The following MATR3 variants were observed in gnomAD, a reference collection of about 807,000 sequenced individuals.
MATR3 encodes the protein matrin-3.
A neutral mutation model predicts 85.5 loss-of-function variants in MATR3; 4 were observed. The ratio of observed to expected loss-of-function variants is 0.05; its 90% CI spans 0.02 to 0.11. The LOEUF (loss-of-function observed/expected upper bound fraction) is 0.11. Among genes scored for constraint, MATR3 ranks in the 10% least tolerant of loss-of-function variants. MATR3 has a pLI of 1.00. For synonymous variants in MATR3, 336 were observed against 343.1 expected, an observed-to-expected ratio of 0.98 and a Z score of 0.23; for missense variants, 685 against 1,016.1, an observed-to-expected ratio of 0.67 and a Z score of 4.43.
intron 2 of MATR3, chr5:139,312,344 T>C (rs2151973579): frequency 6.6e-6 from 1 of 152,348 alleles, no homozygotes; most frequent in South Asian, 2.1e-4. Flanking sequence ...GTAATCTGCC[T>C]GCTTTGGCCT....
intron 2 of MATR3, among the ~76,000 whole-genome samples, chr5:139,276,788 C>G (rs1753292618): frequency 6.6e-6 from 1 of 152,150 alleles, no homozygotes; most frequent in Non-Finnish European, 1.5e-5. Flanking sequence ...TCCATGGCTC[C>G]TACTACCCAC....
At chr5:139,328,775 G>A (rs1341361803) in intron 14 of MATR3, among the ~76,000 whole-genome samples, 2 of 152,164 alleles carry the variant, frequency 1.3e-5, no homozygotes, top group African/African-American at 4.8e-5. Context: ...GCGGGGACAG[G>A]CAGATCACCT....
chr5:139,300,566 C>T (rs1443539987), intron 1 of MATR3, among the ~76,000 whole-genome samples: 3 of 152,080 alleles, frequency 2.0e-5, no homozygotes, highest in Admixed American at 6.6e-5. Context: ...ATAGATTTTA[C>T]CTTCTTAGTT....
intron 5 of MATR3, among the ~76,000 whole-genome samples, chr5:139,316,811 G>C (rs1044720361): frequency 1.3e-5 from 2 of 152,136 alleles, no homozygotes; most frequent in Non-Finnish European, 2.9e-5. Context: ...CTCCCAAAGT[G>C]CTGGGATTAC....
intron 1 of MATR3, among the ~76,000 whole-genome samples, chr5:139,306,766 T>G (rs187939000): frequency 6.6e-6 from 1 of 152,350 alleles, no homozygotes; most frequent in Admixed American, 6.5e-5. Context: ...CTTCATTTAC[T>G]TGTGATTTTA....
intron 5 of MATR3, among the ~76,000 whole-genome samples, chr5:139,316,584 G>A (rs939701130): frequency 2.6e-5 from 4 of 151,654 alleles, no homozygotes; most frequent in African/African-American, 9.7e-5. Context: ...TTCTCACTCC[G>A]TCACTCAGGC....
At chr5:139,301,702 A>G (rs959256376) in intron 1 of MATR3, among the ~76,000 whole-genome samples, 2 of 152,230 alleles carry the variant, frequency 1.3e-5, no homozygotes, top group African/African-American at 4.8e-5. Context: ...TCGTAGTTCA[A>G]ATAGACAATG....
At chr5:139,326,420 TA>T in intron 14 of MATR3, 136 bp downstream of exon 14, 4 of 804,848 alleles carry the variant, frequency 5.0e-6, no homozygotes, top group Non-Finnish European at 7.5e-6. Context: ...ACTTTTTATT[TA>T]CTTTTTTTTT....
intron 1 of MATR3, among the ~76,000 whole-genome samples, chr5:139,305,380 C>G (rs1177569363): frequency 6.6e-6 from 1 of 152,082 alleles, no homozygotes; most frequent in Non-Finnish European, 1.5e-5. Flanking sequence ...AATTGTAATA[C>G]CATTATATAA....
intron 3 of MATR3, among the ~76,000 whole-genome samples, chr5:139,284,244 AC>A (rs1753630781): frequency 6.6e-6 from 1 of 152,212 alleles, no homozygotes; most frequent in African/African-American, 2.4e-5. Context: ...ATGTCAGGTT[AC>A]CAAATCATTT....
Position 139,279,030 on chromosome 5 carries a change from C to A in MATR3, c.-256-21C>A, listed in dbSNP as rs1246814159. 5 of 496,658 alleles carry A rather than the reference C, an allele frequency of 1.0e-5. No homozygotes were observed. In the Admixed American group the frequency reaches 1.0e-4, roughly 10 times the overall value. The allele number at this position is 496,658 out of a possible 1,614,324, so 30.8% of individuals were successfully genotyped here. A position where few individuals can be genotyped will look rare whatever the true frequency, so the allele number is the denominator to read the frequency against. On this transcript the variant is annotated intron_variant, in intron 2 of 16. Coordinates refer to ENST00000509990, the Ensembl canonical transcript of MATR3. ...GTTGTCTTAGGGACAGCCTGTCATT[C>A]TTTACCTCTTTGAATCCTAGATGCC... is the stretch of plus-strand genomic sequence containing the variant.
chr5:139,323,043 G>T, intron 12 of MATR3, 76 bp downstream of exon 12: 2 of 1,416,762 alleles, frequency 1.4e-6, no homozygotes, highest in East Asian at 4.7e-5. Context: ...ACCTAAGCAG[G>T]ATCAGATAGA....
At chr5:139,319,948 CTT>C (rs201546262) in intron 9 of MATR3, among the ~76,000 whole-genome samples, 18 of 43,566 alleles carry the variant, frequency 4.1e-4, no homozygotes, top group Non-Finnish European at 7.5e-4. Flanking sequence ...CTTTTCTTTT[CTT>C]TTTTTTTTTT....
intron 1 of MATR3, among the ~76,000 whole-genome samples, chr5:139,300,922 TCCTGCCTCAGCCTCCCGAGTAG>T (rs1754406558): frequency 6.6e-6 from 1 of 152,198 alleles, no homozygotes; most frequent in African/African-American, 2.4e-5. Context: ...CAAGTGATTC[TCCTGCCTCAGCCTCCCGAGTAG>T]CTGGGATTAC....
intron 1 of MATR3, among the ~76,000 whole-genome samples, chr5:139,297,119 A>G (rs963181220): frequency 1.3e-5 from 2 of 152,196 alleles, no homozygotes; most frequent in Admixed American, 6.5e-5. Flanking sequence ...CGGAGGTAGC[A>G]GTTAGCCGAG....
At chr5:139,280,031 G>A (rs1213002358) in intron 3 of MATR3, 3 of 152,164 alleles carry the variant, frequency 2.0e-5, no homozygotes, top group African/African-American at 4.8e-5. Flanking sequence ...CTAGAGCAGG[G>A]ATCAGCAAAC....
chr5:139,317,762 A>G, intron 7 of MATR3, 41 bp downstream of exon 7: 1 of 1,484,256 alleles, frequency 6.7e-7, no homozygotes, highest in African/African-American at 1.4e-5. Flanking sequence ...TATTCATGCC[A>G]CTAATATATG....
intron 3 of MATR3, among the ~76,000 whole-genome samples, chr5:139,287,755 G>A (rs1235511581): frequency 6.6e-6 from 1 of 152,128 alleles, no homozygotes; most frequent in Non-Finnish European, 1.5e-5. Flanking sequence ...ACCCAAATGT[G>A]AATACAGCTT....
In MATR3 at chr5:139,307,391, A is replaced by G; in HGVS notation, c.-25A>G. 1.9e-6 allele frequency: 3 copies of G among 1,603,398 alleles called. No individual in the cohort carries two copies. Among genetic ancestry groups the G allele is most frequent in the Non-Finnish European group, 1.7e-6 (2 of 1,176,030 alleles). On this transcript the variant is annotated 5_prime_UTR_variant, in exon 2 of 15. It adds an upstream start codon to the 5' untranslated region. Transcript: ENST00000394805. This position sits in a 1 kb window ranked among gnomAD's most constrained non-coding sequence, Gnocchi z 4.4. Reference sequence around the variant, plus strand: ...AAAAAAATTTTTTTTTTTAATCTATAAAATAGACAAGAGCTAGTTCTACAA... The same window carrying G: ...AAAAAAATTTTTTTTTTTAATCTATGAAATAGACAAGAGCTAGTTCTACAA...
Sources: allele counts gnomAD v4.1 joint callset (sites outside exome capture counted in the v4.1 genomes callset), GRCh38; gene constraint gnomAD v4.1.1; non-coding constraint Gnocchi (gnomAD v3.1); transcripts MANE v1.5; gene names NCBI Gene and HGNC (gene_info 2026-07-23, HGNC 2026-07-21).